NUP153: variants seen among roughly 807,000 people sequenced by gnomAD.
NUP153 encodes nuclear pore complex protein Nup153.
In NUP153, 27 loss-of-function variants were observed where a neutral mutation model predicts 134.6. That is an observed-to-expected ratio of 0.20 (90% confidence interval 0.15 to 0.28). The LOEUF is 0.28. Ranked by LOEUF, NUP153 falls within the 10% of genes least tolerant of loss-of-function variation. NUP153 has a pLI of 1.00. For synonymous variants in NUP153, 640 were observed against 623.5 expected, an observed-to-expected ratio of 1.03 and a Z score of -0.40; for missense variants, 1,821 against 1,731.3, an observed-to-expected ratio of 1.05 and a Z score of -0.92.
At chr6:17,651,455 AATTAT>A (rs2113802280) in intron 11 of NUP153, among the ~76,000 whole-genome samples, 1 of 152,244 alleles carries the variant, frequency 6.6e-6, no homozygotes, top group South Asian at 2.1e-4. Flanking sequence ...CCATATCAAA[AATTAT>A]ATTAACTATA....
intron 5 of NUP153, among the ~76,000 whole-genome samples, chr6:17,671,450 A>T (rs1767905800): frequency 6.6e-6 from 1 of 152,194 alleles, no homozygotes; most frequent in African/African-American, 2.4e-5. Context: ...TCTTTGCTGG[A>T]ACGTATTTTA....
chr6:17,670,580 T>C (rs1323406985), intron 5 of NUP153, among the ~76,000 whole-genome samples: 1 of 152,192 alleles, frequency 6.6e-6, no homozygotes, highest in Non-Finnish European at 1.5e-5. Flanking sequence ...TGTTAAACAG[T>C]AGCAGTGATA....
At chr6:17,657,059 T>C (rs1392730445) in intron 11 of NUP153, among the ~76,000 whole-genome samples, 2 of 152,196 alleles carry the variant, frequency 1.3e-5, no homozygotes, top group Non-Finnish European at 2.9e-5. Context: ...TTTAATTCTT[T>C]GGAGCATGGC....
chr6:17,706,235 T>C lies in NUP153; in HGVS notation c.111+42A>G. The C allele has an allele frequency of 6.5e-7, 1 of 1,527,920 alleles. No homozygotes were observed. Among genetic ancestry groups the C allele is most frequent in the Non-Finnish European group, 9.1e-7 (1 of 1,103,582 alleles). 94.6% of individuals were successfully genotyped at this position (1,527,920 alleles called of 1,614,324 possible). On this transcript the variant is annotated intron_variant, in intron 1 of 21. Coordinates refer to ENST00000262077, the MANE Select transcript of NUP153 (RefSeq NM_005124.4). This position sits in a 1 kb window ranked among gnomAD's most constrained non-coding sequence, Gnocchi z 5.9. ...GAACCGCCCGTCCCCTCCAGCCGAG[T>C]TTCCCCACCCGCCAGGCCACCGCGG...
chr6:17,616,438 G>A (rs191731592), intron 21 of NUP153, 89 bp downstream of exon 21: 20 of 1,149,368 alleles, frequency 1.7e-5, no homozygotes, highest in Admixed American at 1.6e-4. Flanking sequence ...CAAACCATAC[G>A]GAATCTTGAT....
At chr6:17,653,183 G>T (rs1219084683) in intron 11 of NUP153, among the ~76,000 whole-genome samples, 4 of 152,132 alleles carry the variant, frequency 2.6e-5, no homozygotes, top group Non-Finnish European at 5.9e-5. Context: ...AACTTGGGAG[G>T]TGGAGGCTGC....
chr6:17,661,534 A>G (rs1767179966), intron 11 of NUP153, 119 bp downstream of exon 11: 1 of 857,948 alleles, frequency 1.2e-6, no homozygotes, highest in Non-Finnish European at 1.7e-6. Flanking sequence ...AACTGATTCA[A>G]TAGCAGATTA....
intron 8 of NUP153, among the ~76,000 whole-genome samples, chr6:17,666,412 G>C (rs146794318): frequency 2.6e-5 from 4 of 152,120 alleles, no homozygotes; most frequent in African/African-American, 9.7e-5. Flanking sequence ...CTATTCAGGA[G>C]GCTGAGGCAG....
chr6:17,706,686 G>C lies in NUP153; in HGVS notation c.-299C>G. 2 of 463,358 alleles carry C rather than the reference G, an allele frequency of 4.3e-6. No individual in the cohort carries two copies. The highest frequency in any genetic ancestry group is 7.8e-6 in the Non-Finnish European group (2 of 257,968). 28.7% of individuals were successfully genotyped at this position (463,358 alleles called of 1,614,324 possible). A position where few individuals can be genotyped will look rare whatever the true frequency, so the allele number is the denominator to read the frequency against. Reference sequence around the variant, plus strand: ...ACGGTCTCTATGGAGATCTCCCGCAGAGGACAGCACGAACAGTTCCCCGCG... The same window carrying C: ...ACGGTCTCTATGGAGATCTCCCGCACAGGACAGCACGAACAGTTCCCCGCG... On this transcript the variant is annotated 5_prime_UTR_variant, in exon 1 of 22. Transcript: ENST00000262077. The surrounding 1 kb of genome is among the most constrained non-coding windows in gnomAD (Gnocchi z 5.9).
At chr6:17,645,198 GTGCCAT>G (rs1766085550) in intron 14 of NUP153, among the ~76,000 whole-genome samples, 1 of 149,966 alleles carries the variant, frequency 6.7e-6, no homozygotes, top group South Asian at 2.1e-4. Flanking sequence ...AGCCAAGACC[GTGCCAT>G]TGCACTCCAG....
At chr6:17,701,706 C>A (rs536868161) in intron 1 of NUP153, among the ~76,000 whole-genome samples, 15 of 150,756 alleles carry the variant, frequency 9.9e-5, no homozygotes, top group African/African-American at 2.9e-4. Flanking sequence ...TGGTGGCCTG[C>A]GCCTGTAATC....
rs974681745 is a variant in NUP153, at chr6:17,706,590, G to A, written c.-203C>T. 1 of 580,488 alleles carries A rather than the reference G, an allele frequency of 1.7e-6. No individual in the cohort carries two copies. The highest frequency in any genetic ancestry group is 2.0e-5 in the African/African-American group (1 of 50,418). The allele number at this position is 580,488 out of a possible 1,614,324, so 36.0% of individuals were successfully genotyped here. On this transcript the variant is annotated 5_prime_UTR_variant, in exon 1 of 22. Transcript: ENST00000262077. This position sits in a 1 kb window ranked among gnomAD's most constrained non-coding sequence, Gnocchi z 5.9. The stretch of plus-strand genomic sequence containing the variant: ...GGGTGAGTGCTGGCAGCGGGGAAGG[G>A]GGTGGCGGCCGCAGAGGCCGAGGAG...
intron 8 of NUP153, among the ~76,000 whole-genome samples, chr6:17,667,570 C>T (rs1244412094): frequency 6.6e-6 from 1 of 152,006 alleles, no homozygotes; most frequent in Non-Finnish European, 1.5e-5. Context: ...AAAAATCGGC[C>T]AGGCATGGTG....
chr6:17,656,115 G>A (rs1296789620), intron 11 of NUP153, among the ~76,000 whole-genome samples: 1 of 151,358 alleles, frequency 6.6e-6, no homozygotes, highest in Non-Finnish European at 1.5e-5. Context: ...TGAGGCAGGA[G>A]AATTGCTTGA....
At chr6:17,670,397 CCT>C (rs2113828260) in intron 5 of NUP153, among the ~76,000 whole-genome samples, 1 of 152,146 alleles carries the variant, frequency 6.6e-6, no homozygotes, top group South Asian at 2.1e-4. Flanking sequence ...ATCCTGTGAC[CCT>C]GTTAAACTCG....
At chr6:17,645,355 G>A (rs1766103266) in intron 14 of NUP153, among the ~76,000 whole-genome samples, 1 of 151,602 alleles carries the variant, frequency 6.6e-6, no homozygotes, top group African/African-American at 2.4e-5. Flanking sequence ...GTGTGGTAGT[G>A]CAATCATAGC....
intron 12 of NUP153, among the ~76,000 whole-genome samples, chr6:17,648,619 AAAAT>A (rs201367642): frequency 0.019 from 2,921 of 152,146 alleles, 95 homozygotes; most frequent in African/African-American, 0.066. Context: ...TCAAGCTGAA[AAAAT>A]AAATAAATAT....
chr6:17,641,269 C>G (rs1432576171), intron 14 of NUP153, among the ~76,000 whole-genome samples: 1 of 152,020 alleles, frequency 6.6e-6, no homozygotes, highest in African/African-American at 2.4e-5. Context: ...GGCACGGGGG[C>G]CCGTGCCTGT....
chr6:17,706,193 T>C lies in NUP153; in HGVS notation c.111+84A>G, dbSNP rs1336340879. 9.1e-7 allele frequency: 1 copy of C among 1,096,898 alleles called. No individual in the cohort carries two copies. Among genetic ancestry groups the C allele is most frequent in the Non-Finnish European group, 1.4e-6 (1 of 725,912 alleles). 67.9% of individuals were successfully genotyped at this position (1,096,898 alleles called of 1,614,324 possible). A position where few individuals can be genotyped will look rare whatever the true frequency, so the allele number is the denominator to read the frequency against. ...CTCAGGCCCTCCTGTCTGCTCCACGTGGGGCGCCGGGGCCTCGAACCGCCC... is the reference window on the plus strand; with the variant it reads ...CTCAGGCCCTCCTGTCTGCTCCACGCGGGGCGCCGGGGCCTCGAACCGCCC... On this transcript the variant is annotated intron_variant, in intron 1 of 21. Coordinates refer to ENST00000262077, the MANE Select transcript of NUP153 (RefSeq NM_005124.4). The surrounding 1 kb of genome is among the most constrained non-coding windows in gnomAD (Gnocchi z 5.9).
Sources: gnomAD v4.1 joint callset for allele counts (sites outside exome capture counted in the v4.1 genomes callset) on GRCh38, gnomAD v4.1.1 for gene constraint, Gnocchi (gnomAD v3.1) non-coding constraint, MANE v1.5 for transcripts, NCBI Gene and HGNC (gene_info 2026-07-23, HGNC 2026-07-21) for gene names.